CPED1: variants seen among roughly 807,000 people sequenced by gnomAD.
The protein encoded by CPED1 is cadherin like and PC-esterase domain containing 1, also known as cadherin-like and PC-esterase domain-containing protein 1.
A neutral mutation model predicts 128.2 loss-of-function variants in CPED1; 114 were observed. That is an observed-to-expected ratio of 0.89 (90% CI 0.76 to 1.04). The LOEUF is 1.04. Ranked by LOEUF, CPED1 falls within the 50% of genes least tolerant of loss-of-function variation. CPED1 has a pLI of 0.00. For synonymous variants in CPED1, 462 were observed against 426.7 expected (o/e 1.08, Z -1.02); for missense variants, 1,211 against 1,207.1 (o/e 1.00, Z -0.05).
chr7:121,128,381 G>C lies in CPED1; in HGVS notation c.1303-1G>C, dbSNP rs375289028. 2 of 1,532,556 alleles carry C rather than the reference G, an allele frequency of 1.3e-6. No homozygotes were observed. Among genetic ancestry groups the C allele is most frequent in the South Asian group, 1.1e-5 (1 of 89,056 alleles). The allele number at this position is 1,532,556 out of a possible 1,614,324, so 94.9% of individuals were successfully genotyped here. A position where few individuals can be genotyped will look rare whatever the true frequency, so the allele number is the denominator to read the frequency against. On this transcript the variant is annotated splice_acceptor_variant, in intron 10 of 22. Coordinates refer to ENST00000310396, the MANE Select transcript of CPED1 (RefSeq NM_024913.5). LOFTEE classifies it high-confidence loss of function. ...TAAGTTCTTTCCCCCTACCAATACA[G>C]GGTGAAAACTATCAAAAGGAACTAA...
chr7:121,261,976 T>C (rs1792028358), intron 18 of CPED1: 1 of 394,464 alleles, frequency 2.5e-6, no homozygotes, highest in African/African-American at 2.1e-5. Flanking sequence ...TGATCCCCAA[T>C]GTTGGAAGTG....
intron 18 of CPED1, among the ~76,000 whole-genome samples, chr7:121,254,751 G>T (rs1012572194): frequency 1.3e-5 from 2 of 151,778 alleles, no homozygotes; most frequent in African/African-American, 4.8e-5. Flanking sequence ...GCATACAAAA[G>T]ATCCTCAGAG....
chr7:121,018,512 A>G (rs1437244331), intron 3 of CPED1, among the ~76,000 whole-genome samples: 1 of 152,118 alleles, frequency 6.6e-6, no homozygotes, highest in East Asian at 1.9e-4. Flanking sequence ...TCTGCTGTTT[A>G]CTAACCTGCA....
rs114000491 is a variant in CPED1 at position 121,026,984 on chromosome 7, C to T, written c.433+11136C>T. Among the ~76,000 whole-genome samples the T allele has an allele frequency of 3.4e-3, 507 of 150,488 alleles. 1 individual carries two copies. Among genetic ancestry groups the T allele is most frequent in the African/African-American group, 0.012 (479 of 40,766 alleles). On this transcript the variant is annotated intron_variant, in intron 3 of 22. Transcript: ENST00000310396. ...AGCCAGCACTACAGGAGCGTGCCAC[C>T]AAGCCCAGCTAATTTTTCTTATTTT...
chr7:121,175,513 G>T (rs1007729651), intron 16 of CPED1, among the ~76,000 whole-genome samples: 2 of 152,048 alleles, frequency 1.3e-5, no homozygotes, highest in African/African-American at 2.4e-5. Context: ...GAGCATTTAA[G>T]TGTCTCATTA....
intron 3 of CPED1, among the ~76,000 whole-genome samples, chr7:121,023,191 T>A (rs983643950): frequency 6.6e-6 from 1 of 152,142 alleles, no homozygotes; most frequent in African/African-American, 2.4e-5. Flanking sequence ...GCCAGAACTG[T>A]AGCAGGAATG....
chr7:121,097,916 GGT>G, intron 6 of CPED1, 85 bp downstream of exon 6: 1 of 1,312,788 alleles, frequency 7.6e-7, no homozygotes, highest in Admixed American at 2.4e-5. Flanking sequence ...AGATATGGGG[GGT>G]TCACATGTGT....
At chr7:121,185,023 A>G (rs1463631460) in intron 16 of CPED1, among the ~76,000 whole-genome samples, 1 of 152,146 alleles carries the variant, frequency 6.6e-6, no homozygotes, top group Non-Finnish European at 1.5e-5. Context: ...AAAATCACAC[A>G]CCAGCTTTCA....
intron 5 of CPED1, 129 bp from the exon 6 acceptor site, chr7:121,097,570 A>G: frequency 9.8e-7 from 1 of 1,015,694 alleles, no homozygotes. Flanking sequence ...TTTTTGATTC[A>G]GAATGGGGAG....
intron 2 of CPED1, among the ~76,000 whole-genome samples, chr7:121,000,547 C>A (rs748212923): frequency 6.6e-6 from 1 of 152,136 alleles, no homozygotes; most frequent in Non-Finnish European, 1.5e-5. Context: ...CAGAATGGGC[C>A]TTATCATGTT....
chr7:121,141,111 A>G (rs1363475862), intron 15 of CPED1, 98 bp downstream of exon 15: 9 of 945,024 alleles, frequency 9.5e-6, no homozygotes, highest in African/African-American at 5.2e-5. Flanking sequence ...GATTCATAAG[A>G]TCAGTTGAAA....
intron 4 of CPED1, chr7:121,050,464 T>TTG (rs1275135022): frequency 1.4e-5 from 2 of 147,030 alleles, no homozygotes; most frequent in East Asian, 4.0e-4. Flanking sequence ...ATATAGGTTT[T>TTG]TTTTTTTTTT....
chr7:121,088,886 T>C (rs989619422), intron 5 of CPED1, among the ~76,000 whole-genome samples: 19 of 151,736 alleles, frequency 1.3e-4, no homozygotes, highest in African/African-American at 4.4e-4. Context: ...CTCAAATTAA[T>C]TGGATAATTC....
chr7:121,002,530 A>G (rs537639441), intron 2 of CPED1, among the ~76,000 whole-genome samples: 43 of 152,326 alleles, frequency 2.8e-4, no homozygotes, highest in Non-Finnish European at 3.8e-4. Context: ...TCCCAATCAT[A>G]CAAGCTAAAC....
At chr7:121,203,217 T>G (rs1797440301) in intron 16 of CPED1, among the ~76,000 whole-genome samples, 1 of 152,088 alleles carries the variant, frequency 6.6e-6, no homozygotes, top group African/African-American at 2.4e-5. Flanking sequence ...CTTCTATACC[T>G]TCACAGATCC....
At chr7:121,124,511 A>G in intron 8 of CPED1, 38 bp downstream of exon 8, 2 of 1,361,846 alleles carry the variant, frequency 1.5e-6, no homozygotes, top group South Asian at 1.6e-5. Context: ...AAAAGAAAAG[A>G]AAGAAAGCAA....
At chr7:121,130,328 A>G in intron 12 of CPED1, 34 bp downstream of exon 12, 1 of 1,535,524 alleles carries the variant, frequency 6.5e-7, no homozygotes, top group East Asian at 2.3e-5. Flanking sequence ...TGTACAATCC[A>G]AAAAATCTCT....
chr7:121,104,820 T>C (rs1398004254), intron 7 of CPED1, among the ~76,000 whole-genome samples: 2 of 152,164 alleles, frequency 1.3e-5, no homozygotes, highest in African/African-American at 4.8e-5. Context: ...TGCCTGAGTC[T>C]ACTTTATCCC....
intron 7 of CPED1, among the ~76,000 whole-genome samples, chr7:121,121,787 A>G (rs1426509082): frequency 2.0e-5 from 3 of 152,190 alleles, no homozygotes; most frequent in Non-Finnish European, 4.4e-5. Flanking sequence ...ATTTGAATGG[A>G]ATTAACATCA....
Sources: allele counts gnomAD v4.1 joint callset (sites outside exome capture counted in the v4.1 genomes callset), GRCh38; gene constraint gnomAD v4.1.1; transcripts MANE v1.5; gene names NCBI Gene and HGNC (gene_info 2026-07-23, HGNC 2026-07-21).